The following UBASH3B variants were observed in gnomAD, a reference collection of about 807,000 sequenced individuals.
The protein encoded by UBASH3B is ubiquitin associated and SH3 domain containing B, also known as ubiquitin-associated and SH3 domain-containing protein B.
Under a neutral mutation model 83.4 loss-of-function variants are expected in UBASH3B, and 37 were observed. That is an observed-to-expected ratio of 0.44 (90% CI 0.34 to 0.58). The LOEUF (loss-of-function observed/expected upper bound fraction) is 0.58, where lower values mean the gene tolerates loss of function less well. Ranked by LOEUF, UBASH3B falls within the 20% of genes least tolerant of loss-of-function variation. The pLI is 0.01. For missense variants in UBASH3B, 657 were observed against 827.2 expected, an observed-to-expected ratio of 0.79 and a Z score of 2.52; for synonymous variants, 304 against 318.3, an observed-to-expected ratio of 0.96 and a Z score of 0.48.
intron 1 of UBASH3B, among the ~76,000 whole-genome samples, chr11:122,729,795 CAAAAAAAAA>C (rs71054092): frequency 0.028 from 1,154 of 40,950 alleles, 33 homozygotes; most frequent in African/African-American, 0.11. Context: ...CCTATCTCTA[CAAAAAAAAA>C]AAAAAAAAAA....
chr11:122,679,457 T>C (rs1863710900), intron 1 of UBASH3B, among the ~76,000 whole-genome samples: 1 of 152,222 alleles, frequency 6.6e-6, no homozygotes, highest in East Asian at 1.9e-4. Flanking sequence ...ACCAGCCCTT[T>C]TGGTACCAAC....
intron 1 of UBASH3B, among the ~76,000 whole-genome samples, chr11:122,704,447 T>A (rs1864088994): frequency 6.6e-6 from 1 of 151,892 alleles, no homozygotes; most frequent in African/African-American, 2.4e-5. Flanking sequence ...ATTCCCCGAG[T>A]GTCAGGTTGG....
intron 1 of UBASH3B, among the ~76,000 whole-genome samples, chr11:122,674,440 G>A (rs1426425188): frequency 2.0e-5 from 3 of 150,646 alleles, no homozygotes; most frequent in African/African-American, 7.3e-5. Context: ...GAGTGCAGCG[G>A]CGCGATCTCA....
chr11:122,712,892 G>C (rs1327419892), intron 1 of UBASH3B, among the ~76,000 whole-genome samples: 1 of 135,594 alleles, frequency 7.4e-6, no homozygotes, highest in Non-Finnish European at 1.5e-5. Context: ...TTCTTCTCTG[G>C]GTGGTTTTTT....
intron 1 of UBASH3B, among the ~76,000 whole-genome samples, chr11:122,673,653 C>A (rs1251529104): frequency 6.6e-6 from 1 of 152,098 alleles, no homozygotes; most frequent in African/African-American, 2.4e-5. Flanking sequence ...AGTGAGACTC[C>A]GTCACTTAAA....
rs957070422 is a variant in UBASH3B at position 122,789,799 on chromosome 11, A to C, written c.980+491A>C. ...GCAAGTCCCCAGACACAGCCTATGC[A>C]TGCCTAGACAACAAAGACCATGTCT... On this transcript the variant is annotated intron_variant, in intron 6 of 13. Transcript: ENST00000284273. 3.3e-5 allele frequency among the ~76,000 whole-genome samples: 5 copies of C among 152,304 alleles called. No individual in the cohort carries two copies. The South Asian group carries it at 6.2e-4, about 19-fold the overall frequency.
chr11:122,712,345 G>T (rs1232392330), intron 1 of UBASH3B, among the ~76,000 whole-genome samples: 1 of 152,174 alleles, frequency 6.6e-6, no homozygotes, highest in Non-Finnish European at 1.5e-5. Flanking sequence ...CCAGCATGAG[G>T]AGGTGGGAGG....
chr11:122,730,852 C>T (rs1339322835), intron 1 of UBASH3B, among the ~76,000 whole-genome samples: 2 of 152,234 alleles, frequency 1.3e-5, no homozygotes, highest in Non-Finnish European at 2.9e-5. Flanking sequence ...GCCTCGGCCT[C>T]CCAAAGTCCT....
Position 122,779,651 on chromosome 11 carries a change from A to G in UBASH3B, c.557A>G (p.Lys186Arg). The G allele has an allele frequency of 6.2e-7, 1 of 1,614,244 alleles. No individual in the cohort carries two copies. Among genetic ancestry groups the G allele is most frequent in the Non-Finnish European group, 8.5e-7 (1 of 1,180,058 alleles). Residue 186 changes from lysine to arginine, a missense_variant, in exon 4 of 14, where the codon AAG becomes AGG. By Grantham distance (26) the Lys-to-Arg change is conservative. Transcript: ENST00000284273. ...FVKEDSAEVL[K>R]KFAADFAAEA... ...AAGGAAGACAGTGCGGAGGTCCTCA[A>G]GAAGTTTGCTGCTGACTTTGCTGCA...
intron 1 of UBASH3B, among the ~76,000 whole-genome samples, chr11:122,720,075 C>T (rs1438386264): frequency 6.6e-6 from 1 of 152,172 alleles, no homozygotes; most frequent in Non-Finnish European, 1.5e-5. Flanking sequence ...TAGTAGTCTC[C>T]AAACTCCTGG....
chr11:122,731,901 G>T (rs1374314852), intron 1 of UBASH3B, among the ~76,000 whole-genome samples: 1 of 152,122 alleles, frequency 6.6e-6, no homozygotes, highest in African/African-American at 2.4e-5. Flanking sequence ...CTGCATTCTG[G>T]TCTTCCCATG....
intron 1 of UBASH3B, among the ~76,000 whole-genome samples, chr11:122,741,168 G>A (rs1861018026): frequency 6.6e-6 from 1 of 152,128 alleles, no homozygotes; most frequent in Admixed American, 6.5e-5. Context: ...GCTAGTTTGA[G>A]GACTAAAGCT....
In UBASH3B at chr11:122,761,935, G is replaced by A. The variant is rs572024842; in HGVS notation, c.162-14284G>A. On this transcript the variant is annotated intron_variant, in intron 1 of 13. Coordinates refer to ENST00000284273, the MANE Select transcript of UBASH3B (RefSeq NM_032873.5). ...GCCTCCCGAGTAGCTGGGACTACAG[G>A]CATGCACCACCACGCCCAGCTAATT... Among the ~76,000 whole-genome samples the A allele has an allele frequency of 3.3e-5, 5 of 151,854 alleles. No individual in the cohort carries two copies. In the East Asian group the frequency reaches 9.7e-4, roughly 30 times the overall value.
Position 122,796,957 on chromosome 11 carries a change from G to T in UBASH3B, c.1281G>T (p.Gln427His). 1.2e-6 allele frequency: 2 copies of T among 1,614,102 alleles called. No homozygotes were observed. The highest frequency in any genetic ancestry group is 1.7e-6 in the Non-Finnish European group (2 of 1,180,028). The change falls in exon 9 of 14, where the codon CAG becomes CAT. Residue 427 changes from glutamine to histidine, a missense_variant. By Grantham distance (24) the Gln-to-His change is conservative. This residue lies in a region of UBASH3B where 573 missense variants were observed against 739.0 expected (regional missense o/e 0.78). Transcript: ENST00000284273. ...TNLNMPHSLP[Q>H]RSGGFRDYEK... ...TGAACATGCCTCATAGTTTACCTCA[G>T]CGGAGTGGTGGTTTCCGAGATTACG...
chr11:122,716,328 A>G (rs1170142960), intron 1 of UBASH3B, among the ~76,000 whole-genome samples: 1 of 152,240 alleles, frequency 6.6e-6, no homozygotes, highest in Admixed American at 6.5e-5. Flanking sequence ...ATGTAGCACA[A>G]TGCCCAGCTA....
At chr11:122,757,996 G>A (rs1266792468) in intron 1 of UBASH3B, among the ~76,000 whole-genome samples, 1 of 152,010 alleles carries the variant, frequency 6.6e-6, no homozygotes, top group African/African-American at 2.4e-5. Flanking sequence ...GTGAGCCACC[G>A]CACCAGGCCG....
At chr11:122,794,476 G>A (rs547204205) in intron 6 of UBASH3B, among the ~76,000 whole-genome samples, 80 of 152,214 alleles carry the variant, frequency 5.3e-4, no homozygotes, top group African/African-American at 1.8e-3. Flanking sequence ...CAAAGTGCAG[G>A]TGTGATCACC....
chr11:122,683,744 TGTGTG>T (rs1214080280), intron 1 of UBASH3B, among the ~76,000 whole-genome samples: 4 of 20,078 alleles, frequency 2.0e-4, no homozygotes, highest in Middle Eastern at 0.038. Context: ...AAAAAAAAAT[TGTGTG>T]TGTGTGTGTG....
At chr11:122,801,671 A>T (rs1784381286) in intron 11 of UBASH3B, among the ~76,000 whole-genome samples, 1 of 152,200 alleles carries the variant, frequency 6.6e-6, no homozygotes, top group African/African-American at 2.4e-5. Flanking sequence ...GATAAGGGAG[A>T]TGATGATGTC....
Sources: allele counts gnomAD v4.1 joint callset (sites outside exome capture counted in the v4.1 genomes callset), GRCh38; gene constraint gnomAD v4.1.1; regional missense constraint gnomAD v4.1.1; transcripts MANE v1.5; gene names NCBI Gene and HGNC (gene_info 2026-07-23, HGNC 2026-07-21).